Variants in CELF2 observed in about 807,000 individuals in gnomAD.
CELF2 encodes the protein CUGBP Elav-like family member 2.
In CELF2, 8 loss-of-function variants were observed where a neutral mutation model predicts 62.6. The observed-to-expected ratio is 0.13, with a 90% confidence interval of 0.07 to 0.23. CELF2 has a LOEUF of 0.23. Ranked by LOEUF, CELF2 falls within the 10% of genes least tolerant of loss-of-function variation. The pLI, the probability that CELF2 is intolerant of heterozygous loss-of-function variation, is 1.00. For synonymous variants in CELF2, 258 were observed against 250.0 expected (o/e 1.03, Z -0.30); for missense variants, 333 against 671.0 (o/e 0.50, Z 5.56).
the CELF2 span, among the ~76,000 whole-genome samples, chr10:10,504,881 C>T: frequency 6.6e-6 from 1 of 151,986 alleles, no homozygotes; most frequent in Non-Finnish European, 1.5e-5. Context: ...TTACCATTTG[C>T]TTCTTCTCTA....
At chr10:10,648,013 T>C in the CELF2 span, among the ~76,000 whole-genome samples, 1 of 152,228 alleles carries the variant, frequency 6.6e-6, no homozygotes, top group Non-Finnish European at 1.5e-5. Flanking sequence ...CAACTACAGA[T>C]GTTTTTAACT....
chr10:11,160,102 C>A (rs1043656002), intron 1 of CELF2, among the ~76,000 whole-genome samples: 1 of 152,250 alleles, frequency 6.6e-6, no homozygotes, highest in Admixed American at 6.5e-5. Flanking sequence ...CAAGGAATCA[C>A]AACAAGATTT....
rs113134346 is a variant in CELF2, at chr10:11,297,406, C to T, written c.976+8854C>T. Among the ~76,000 whole-genome samples the T allele has an allele frequency of 4.8e-4, 73 of 152,118 alleles. No homozygotes were observed. Among genetic ancestry groups the T allele is most frequent in the African/African-American group, 1.7e-3 (69 of 41,488 alleles). ...GGCCAAAATCACCAGCAAGGCAAGG[C>T]GGGGACCAGGTGCAGAAAGCCTTGG... On this transcript the variant is annotated intron_variant, in intron 9 of 12. Coordinates refer to ENST00000633077, the MANE Select transcript of CELF2 (RefSeq NM_001326342.2). The surrounding 1 kb of genome is among the most constrained non-coding windows in gnomAD (Gnocchi z 4.4).
chr10:10,499,656 G>A, the CELF2 span, among the ~76,000 whole-genome samples: 1 of 152,170 alleles, frequency 6.6e-6, no homozygotes, highest in Non-Finnish European at 1.5e-5. Flanking sequence ...AAGGCGGGCA[G>A]ATCATGAGGT....
intron 2 of CELF2, among the ~76,000 whole-genome samples, chr10:11,189,502 C>G (rs540182513): frequency 5.9e-5 from 9 of 152,020 alleles, no homozygotes; most frequent in Admixed American, 5.9e-4. Flanking sequence ...TTTTTTTCCC[C>G]TCACCTGTTC....
chr10:11,068,796 G>A (rs1021489774), intron 1 of CELF2, among the ~76,000 whole-genome samples: 8 of 152,040 alleles, frequency 5.3e-5, no homozygotes, highest in Non-Finnish European at 8.8e-5. Flanking sequence ...TCCTGACCTC[G>A]TGATCCACCC....
upstream of CELF2, among the ~76,000 whole-genome samples, chr10:11,014,909 A>G (rs1308923149): frequency 6.6e-6 from 1 of 152,208 alleles, no homozygotes; most frequent in Non-Finnish European, 1.5e-5. Flanking sequence ...TTTTTCCACA[A>G]TGCAGCTAAA....
At chr10:10,466,212 C>G in the CELF2 span, among the ~76,000 whole-genome samples, 1 of 152,124 alleles carries the variant, frequency 6.6e-6, no homozygotes, top group African/African-American at 2.4e-5. Flanking sequence ...CACTTTGACT[C>G]TTGCCTCCAC....
At chr10:10,905,648 G>A (rs75433564) in intron 1 of CELF2, among the ~76,000 whole-genome samples, 45,570 of 151,710 alleles carry the variant, frequency 0.3, 7,616 homozygotes, top group East Asian at 0.65. Context: ...GGAGGCTGAG[G>A]CAGGCAGATC....
chr10:10,631,041 T>A, the CELF2 span, among the ~76,000 whole-genome samples: 1 of 152,198 alleles, frequency 6.6e-6, no homozygotes, highest in Non-Finnish European at 1.5e-5. Context: ...TCAACTATAG[T>A]GCGACGTTAA....
At chr10:11,208,359 C>T (rs2060942701) in intron 2 of CELF2, among the ~76,000 whole-genome samples, 1 of 152,104 alleles carries the variant, frequency 6.6e-6, no homozygotes, top group Non-Finnish European at 1.5e-5. Context: ...GATGCAGACC[C>T]AAAGATACAG....
intron 2 of CELF2, among the ~76,000 whole-genome samples, chr10:11,202,120 C>T (rs890077887): frequency 9.9e-5 from 15 of 152,040 alleles, no homozygotes; most frequent in South Asian, 2.1e-4. Flanking sequence ...ACCAAGTTTA[C>T]GACTCATTTT....
intron 2 of CELF2, among the ~76,000 whole-genome samples, chr10:11,212,678 C>T (rs1298715775): frequency 2.7e-5 from 4 of 146,226 alleles, no homozygotes; most frequent in Non-Finnish European, 6.0e-5. Flanking sequence ...GGTGAGGAGT[C>T]GTGGGAGGTG....
At chr10:11,250,251 G>A (rs989299754) in intron 4 of CELF2, among the ~76,000 whole-genome samples, 29 of 152,240 alleles carry the variant, frequency 1.9e-4, no homozygotes, top group Admixed American at 5.2e-4. Context: ...GCCCATACCT[G>A]TAGTTGAAGC....
chr10:10,725,096 T>C, the CELF2 span, among the ~76,000 whole-genome samples: 2 of 152,248 alleles, frequency 1.3e-5, no homozygotes, highest in African/African-American at 4.8e-5. Flanking sequence ...ACTTTAGCTT[T>C]TTACCAGTAT....
At chr10:10,696,378 A>C in the CELF2 span, among the ~76,000 whole-genome samples, 5 of 150,648 alleles carry the variant, frequency 3.3e-5, no homozygotes, top group Non-Finnish European at 7.4e-5. Flanking sequence ...CTCCAGCTGC[A>C]TGCTGGGAGA....
chr10:10,516,682 T>C, the CELF2 span, among the ~76,000 whole-genome samples: 4 of 151,562 alleles, frequency 2.6e-5, no homozygotes, highest in Non-Finnish European at 4.4e-5. Context: ...GTGTAAATTA[T>C]GTCCATAGAT....
At chr10:10,774,886 T>TA in the CELF2 span, among the ~76,000 whole-genome samples, 389 of 108,652 alleles carry the variant, frequency 3.6e-3, 2 homozygotes, top group African/African-American at 0.011. Context: ...TTTATTTATT[T>TA]TTTTTTTTTT....
chr10:11,161,081 A>G (rs957030737), intron 1 of CELF2, among the ~76,000 whole-genome samples: 4 of 152,246 alleles, frequency 2.6e-5, no homozygotes, highest in African/African-American at 4.8e-5. Context: ...AAGATTTTGC[A>G]TATACTCTGT....
Sources: allele counts gnomAD v4.1 joint callset (sites outside exome capture counted in the v4.1 genomes callset), GRCh38; gene constraint gnomAD v4.1.1; non-coding constraint Gnocchi (gnomAD v3.1); transcripts MANE v1.5; gene names NCBI Gene and HGNC (gene_info 2026-07-23, HGNC 2026-07-21).